Variants in USH2A observed in about 807,000 individuals in gnomAD.
USH2A encodes the protein usherin.
USH2A carries 443 observed loss-of-function variants against 538.9 expected under a neutral mutation model. The observed-to-expected ratio is 0.82, with a 90% CI of 0.76 to 0.89. The LOEUF (loss-of-function observed/expected upper bound fraction) is 0.89. Among genes scored for constraint, USH2A ranks in the 40% least tolerant of loss-of-function variants. The pLI is 0.00. For synonymous variants in USH2A, 2,413 were observed against 2,273.5 expected, an observed-to-expected ratio of 1.06 and a Z score of -1.75; for missense variants, 6,633 against 6,324.8, an observed-to-expected ratio of 1.05 and a Z score of -1.65.
intron 32 of USH2A, among the ~76,000 whole-genome samples, chr1:216,038,963 A>G (rs1343236909): frequency 6.6e-6 from 1 of 152,052 alleles, no homozygotes; most frequent in Non-Finnish European, 1.5e-5. Flanking sequence ...ATATTCCTTA[A>G]TTAGGTTAAC....
At chr1:216,318,276 T>C (rs1054000825) in intron 9 of USH2A, among the ~76,000 whole-genome samples, 1 of 152,346 alleles carries the variant, frequency 6.6e-6, no homozygotes, top group Non-Finnish European at 1.5e-5. Flanking sequence ...TTGGATTATG[T>C]CCAGGTCTTA....
chr1:215,800,589 A>G (rs1003493583), intron 49 of USH2A, among the ~76,000 whole-genome samples: 1 of 152,192 alleles, frequency 6.6e-6, no homozygotes, highest in African/African-American at 2.4e-5. Flanking sequence ...CCTTTTGGTG[A>G]GCCCTGGATA....
In USH2A at chr1:216,141,639, G is replaced by A. The variant is rs149499602; in HGVS notation, c.4627+33613C>T. ...AGTTTTGTCTATACCTAGCATTGGA[G>A]TGGTCTGCAAAACCCCTTTAGACTT... On this transcript the variant is annotated intron_variant, in intron 21 of 71. Transcript: ENST00000307340. 4.6e-3 allele frequency among the ~76,000 whole-genome samples: 702 copies of A among 152,264 alleles called. 4 individuals are homozygous for A. Among genetic ancestry groups the A allele is most frequent in the African/African-American group, 0.016 (676 of 41,548 alleles).
chr1:215,965,559 T>G, intron 36 of USH2A, 80 bp from the exon 37 acceptor site: 2 of 1,537,956 alleles, frequency 1.3e-6, no homozygotes, highest in Non-Finnish European at 1.8e-6. Flanking sequence ...CTTCAAAGAA[T>G]CTCTTTTTGC....
chr1:215,994,483 A>T (rs771120869), intron 34 of USH2A, among the ~76,000 whole-genome samples: 2 of 152,162 alleles, frequency 1.3e-5, no homozygotes, highest in African/African-American at 2.4e-5. Context: ...TTTATGGTCA[A>T]CAAACATGGA....
intron 35 of USH2A, among the ~76,000 whole-genome samples, chr1:215,982,407 C>G (rs573494830): frequency 1.7e-4 from 26 of 152,308 alleles, no homozygotes; most frequent in African/African-American, 5.8e-4. Context: ...CAATTCTGAC[C>G]TATGTCATGT....
intron 21 of USH2A, among the ~76,000 whole-genome samples, chr1:216,151,448 A>G (rs1266068126): frequency 1.3e-5 from 2 of 152,090 alleles, no homozygotes; most frequent in Admixed American, 1.3e-4. Flanking sequence ...CCGACATGAC[A>G]AAAAAGAGTT....
At chr1:216,339,854 T>C (rs545880359) in intron 4 of USH2A, among the ~76,000 whole-genome samples, 1 of 152,056 alleles carries the variant, frequency 6.6e-6, no homozygotes, top group Admixed American at 6.6e-5. Context: ...GGGAAATTTA[T>C]AGCACTAAAT....
At chr1:215,952,874 C>T (rs1666957891) in intron 37 of USH2A, among the ~76,000 whole-genome samples, 1 of 152,060 alleles carries the variant, frequency 6.6e-6, no homozygotes, top group African/African-American at 2.4e-5. Flanking sequence ...TTGCTCTTCT[C>T]GAGGAGTATC....
intron 38 of USH2A, among the ~76,000 whole-genome samples, chr1:215,922,811 T>G (rs1178324137): frequency 1.3e-5 from 2 of 152,080 alleles, no homozygotes; most frequent in East Asian, 3.9e-4. Flanking sequence ...ATTTTAGAGA[T>G]AAGAGACCAA....
At chr1:216,126,159 T>A (rs1407550045) in intron 21 of USH2A, among the ~76,000 whole-genome samples, 1 of 152,158 alleles carries the variant, frequency 6.6e-6, no homozygotes, top group Non-Finnish European at 1.5e-5. Flanking sequence ...TAAATGCACA[T>A]GAAACAATTG....
chr1:216,289,205 A>G, intron 11 of USH2A, 75 bp downstream of exon 11: 2 of 1,600,496 alleles, frequency 1.2e-6, no homozygotes, highest in South Asian at 1.1e-5. Flanking sequence ...CTTCAATTCT[A>G]CTAGTGGAAT....
intron 3 of USH2A, among the ~76,000 whole-genome samples, chr1:216,410,108 G>A (rs1285685389): frequency 6.6e-6 from 1 of 151,472 alleles, no homozygotes; most frequent in Non-Finnish European, 1.5e-5. Flanking sequence ...GCATATGATC[G>A]CTGATCATCA....
intron 21 of USH2A, among the ~76,000 whole-genome samples, chr1:216,104,770 T>C (rs1031357809): frequency 5.3e-5 from 8 of 152,150 alleles, no homozygotes; most frequent in Non-Finnish European, 1.0e-4. Context: ...GGCAAGGACT[T>C]CATGTCTAAA....
intron 32 of USH2A, 100 bp from the exon 33 acceptor site, chr1:216,000,662 T>A: frequency 6.9e-7 from 1 of 1,439,156 alleles, no homozygotes; most frequent in East Asian, 2.3e-5. Context: ...ATTGTTAAGA[T>A]AAGGCTTAAA....
chr1:216,206,991 T>G (rs1311218317), intron 16 of USH2A, among the ~76,000 whole-genome samples: 1 of 152,194 alleles, frequency 6.6e-6, no homozygotes, highest in Admixed American at 6.5e-5. Flanking sequence ...CCTCAGCAGT[T>G]TATAAAAGTT....
chr1:216,397,583 C>A (rs1003128046), intron 3 of USH2A, among the ~76,000 whole-genome samples: 1 of 152,170 alleles, frequency 6.6e-6, no homozygotes, highest in Non-Finnish European at 1.5e-5. Flanking sequence ...TTGTGAGCTG[C>A]CTCTCTCTTT....
intron 64 of USH2A, among the ~76,000 whole-genome samples, chr1:215,657,841 A>T (rs969182088): frequency 6.6e-6 from 1 of 152,046 alleles, no homozygotes; most frequent in African/African-American, 2.4e-5. Context: ...CTTTGGAGCC[A>T]TTTAATACTT....
At chr1:215,633,339 A>G (rs541940006) in intron 70 of USH2A, among the ~76,000 whole-genome samples, 88 of 152,150 alleles carry the variant, frequency 5.8e-4, no homozygotes, top group Non-Finnish European at 8.8e-4. Flanking sequence ...TTGCTTCTCC[A>G]CCACCACGTC....
Sources: allele counts gnomAD v4.1 joint callset (sites outside exome capture counted in the v4.1 genomes callset), GRCh38; gene constraint gnomAD v4.1.1; transcripts MANE v1.5; gene names NCBI Gene and HGNC (gene_info 2026-07-23, HGNC 2026-07-21).